The following CSMD2 variants were observed in gnomAD, a reference collection of about 807,000 sequenced individuals.
The protein encoded by CSMD2 is CUB and sushi domain-containing protein 2.
In CSMD2, 130 loss-of-function variants were observed where a neutral mutation model predicts 398.5. That is an observed-to-expected ratio of 0.33 (90% CI 0.28 to 0.38). The LOEUF (loss-of-function observed/expected upper bound fraction) is 0.38. CSMD2 is among the 10% of genes least tolerant of loss of function. The pLI, the probability that CSMD2 is intolerant of heterozygous loss-of-function variation, is 1.00. For missense variants in CSMD2, 3,829 were observed against 4,764.9 expected (o/e 0.80, Z 5.78); for synonymous variants, 1,828 against 1,908.5 (o/e 0.96, Z 1.10).
At chr1:33,770,398 G>A (rs1043276043) in intron 13 of CSMD2, among the ~76,000 whole-genome samples, 9 of 152,240 alleles carry the variant, frequency 5.9e-5, no homozygotes, top group African/African-American at 2.2e-4. Context: ...TGAGCTCCCT[G>A]AGGGCAATGC....
intron 2 of CSMD2, among the ~76,000 whole-genome samples, chr1:34,083,901 A>G (rs1469606963): frequency 6.6e-6 from 1 of 152,158 alleles, no homozygotes; most frequent in Non-Finnish European, 1.5e-5. Context: ...CCTCACTAGT[A>G]AAGCATGTAG....
At chr1:34,056,535 TA>T (rs1482766298) in intron 2 of CSMD2, among the ~76,000 whole-genome samples, 2 of 152,228 alleles carry the variant, frequency 1.3e-5, no homozygotes, top group African/African-American at 4.8e-5. Context: ...GTAAGTTCTT[TA>T]ACATGTCTGT....
At chr1:34,085,603 G>A (rs1476596616) in intron 2 of CSMD2, among the ~76,000 whole-genome samples, 1 of 152,118 alleles carries the variant, frequency 6.6e-6, no homozygotes, top group Admixed American at 6.6e-5. Context: ...AAACAAGATG[G>A]TGAGAGGAGA....
intron 12 of CSMD2, among the ~76,000 whole-genome samples, chr1:33,777,701 G>A (rs1158754693): frequency 6.6e-6 from 1 of 152,244 alleles, no homozygotes; most frequent in East Asian, 1.9e-4. Context: ...AAGCAAACTG[G>A]AAAACATGAG....
chr1:33,703,434 T>A (rs923546651), intron 22 of CSMD2, among the ~76,000 whole-genome samples: 3 of 152,236 alleles, frequency 2.0e-5, no homozygotes, highest in African/African-American at 7.2e-5. Flanking sequence ...GAATTGGGCC[T>A]TTGTATACAT....
intron 62 of CSMD2, among the ~76,000 whole-genome samples, chr1:33,534,552 C>T (rs533301973): frequency 1.1e-3 from 169 of 152,274 alleles, no homozygotes; most frequent in Middle Eastern, 3.4e-3. Context: ...CCCGCAACCA[C>T]GGGCTCCATC....
At position 33,567,847 on chromosome 1, in the gene CSMD2, G is replaced by C. The variant is rs1213677889; in HGVS notation, c.8132-6C>G. 6 of 1,565,024 alleles carry C rather than the reference G, an allele frequency of 3.8e-6. No homozygotes were observed. The highest frequency in any genetic ancestry group is 5.2e-6 in the Non-Finnish European group (6 of 1,154,496). On this transcript the variant is annotated splice_region_variant and splice_polypyrimidine_tract_variant and intron_variant, in intron 52 of 70. Coordinates refer to ENST00000373381, the MANE Select transcript of CSMD2 (RefSeq NM_001281956.2). ...GTGGAGCTTGGTCTGAGTGGCTAGAGACAGGGATGGTGGGGAAAAGGACCA... is the reference window on the plus strand; with the variant it reads ...GTGGAGCTTGGTCTGAGTGGCTAGACACAGGGATGGTGGGGAAAAGGACCA...
chr1:34,064,049 T>C (rs1408428043), intron 2 of CSMD2, among the ~76,000 whole-genome samples: 1 of 152,170 alleles, frequency 6.6e-6, no homozygotes, highest in Non-Finnish European at 1.5e-5. Flanking sequence ...ACCAAGTCCC[T>C]AGGCTGCACA....
intron 22 of CSMD2, among the ~76,000 whole-genome samples, chr1:33,703,027 T>C (rs12063384): frequency 0.024 from 3,720 of 152,282 alleles, 121 homozygotes; most frequent in African/African-American, 0.077. Flanking sequence ...TTGTCAACTT[T>C]CTATTCTATT....
chr1:33,983,624 T>C (rs1646248037), intron 3 of CSMD2, among the ~76,000 whole-genome samples: 1 of 151,486 alleles, frequency 6.6e-6, no homozygotes, highest in Non-Finnish European at 1.5e-5. Flanking sequence ...AAGTGAGAAC[T>C]TGTGAAGCTG....
chr1:33,854,583 G>A (rs1470757145), intron 5 of CSMD2, among the ~76,000 whole-genome samples: 1 of 152,230 alleles, frequency 6.6e-6, no homozygotes, highest in South Asian at 2.1e-4. Flanking sequence ...TCACTTAGCA[G>A]CTGCTGGTAC....
intron 19 of CSMD2, among the ~76,000 whole-genome samples, chr1:33,718,064 G>A (rs1646231282): frequency 6.6e-6 from 1 of 152,154 alleles, no homozygotes; most frequent in African/African-American, 2.4e-5. Flanking sequence ...ATCATCTCCA[G>A]TTTACATCCA....
At chr1:34,093,176 A>G (rs879657192) in intron 1 of CSMD2, among the ~76,000 whole-genome samples, 190 of 152,244 alleles carry the variant, frequency 1.2e-3, no homozygotes, top group Non-Finnish European at 1.6e-3. Context: ...AGGGTACTCC[A>G]ACAGACCTGC....
rs1639762735 is a variant in CSMD2 at position 33,864,052 on chromosome 1, AGG to A, written c.921-17058_921-17057del. ...CTCAACAATGCCATCAGCACTGAAAAGGCTGAGCCCTGACTACAGCTCTTGCA... is the reference window on the plus strand; with the variant it reads ...CTCAACAATGCCATCAGCACTGAAAACTGAGCCCTGACTACAGCTCTTGCA... On this transcript the variant is annotated intron_variant, in intron 5 of 70. Transcript: ENST00000373381. 3.9e-6 allele frequency: 3 copies of A among 762,962 alleles called. No individual in the cohort carries two copies. In the African/African-American group the frequency reaches 5.3e-5, roughly 13 times the overall value. The allele number at this position is 762,962 out of a possible 1,614,324, so 47.3% of individuals were successfully genotyped here.
chr1:33,866,220 G>A (rs955498770), intron 5 of CSMD2, among the ~76,000 whole-genome samples: 1 of 152,186 alleles, frequency 6.6e-6, no homozygotes, highest in African/African-American at 2.4e-5. Context: ...CATTTGTGGA[G>A]GATTTTCATG....
intron 22 of CSMD2, among the ~76,000 whole-genome samples, chr1:33,707,695 G>GCACA (rs200504764): frequency 0.031 from 2,853 of 91,884 alleles, 42 homozygotes; most frequent in Middle Eastern, 0.042. Flanking sequence ...GCGCGCGCGC[G>GCACA]CACACACACA....
intron 32 of CSMD2, among the ~76,000 whole-genome samples, chr1:33,630,955 A>G (rs1642432266): frequency 6.6e-6 from 1 of 152,168 alleles, no homozygotes; most frequent in Non-Finnish European, 1.5e-5. Context: ...TCTTTATTAC[A>G]CAGAGAAAAT....
intron 13 of CSMD2, among the ~76,000 whole-genome samples, chr1:33,768,832 C>T (rs951649809): frequency 3.9e-5 from 6 of 152,140 alleles, no homozygotes; most frequent in Non-Finnish European, 8.8e-5. Flanking sequence ...TAACTTAAAT[C>T]GTATACATCC....
chr1:34,003,798 C>G (rs934469094), intron 3 of CSMD2, among the ~76,000 whole-genome samples: 1 of 152,174 alleles, frequency 6.6e-6, no homozygotes. Context: ...CTGGCCTTTC[C>G]TCAAACAGAA....
Sources: allele counts gnomAD v4.1 joint callset (sites outside exome capture counted in the v4.1 genomes callset), GRCh38; gene constraint gnomAD v4.1.1; transcripts MANE v1.5; gene names NCBI Gene and HGNC (gene_info 2026-07-23, HGNC 2026-07-21).